Variants in DNAH9 observed in about 807,000 individuals in gnomAD.
DNAH9 encodes the protein dynein axonemal heavy chain 9.
A neutral mutation model predicts 471.6 loss-of-function variants in DNAH9; 345 were observed. That is an observed-to-expected ratio of 0.73 (90% CI 0.67 to 0.80). DNAH9 has a LOEUF of 0.80. Ranked by LOEUF, DNAH9 falls within the 30% of genes least tolerant of loss-of-function variation. DNAH9 has a pLI of 0.00. For missense variants in DNAH9, 5,407 were observed against 5,609.2 expected, an observed-to-expected ratio of 0.96 and a Z score of 1.15; for synonymous variants, 2,093 against 2,123.6, an observed-to-expected ratio of 0.99 and a Z score of 0.40.
At chr17:11,719,943 C>T (rs1055559819) in intron 27 of DNAH9, among the ~76,000 whole-genome samples, 2 of 152,136 alleles carry the variant, frequency 1.3e-5, no homozygotes, top group Non-Finnish European at 1.5e-5. Flanking sequence ...GGACATTCCC[C>T]AGAATATCAA....
At chr17:11,887,736 TCACACACA>T (rs35670481) in intron 57 of DNAH9, among the ~76,000 whole-genome samples, 7 of 147,406 alleles carry the variant, frequency 4.7e-5, no homozygotes, top group Non-Finnish European at 1.0e-4. Flanking sequence ...ATACACACAG[TCACACACA>T]CACACACACA....
chr17:11,887,497 T>C (rs532475215), intron 57 of DNAH9, among the ~76,000 whole-genome samples: 1 of 152,306 alleles, frequency 6.6e-6, no homozygotes, highest in African/African-American at 2.4e-5. Flanking sequence ...TGACTAAACT[T>C]ATCTTACTCA....
At chr17:11,655,351 GGTGTGTGTGTGTGTGTGTGT>G (rs144975414) in intron 14 of DNAH9, among the ~76,000 whole-genome samples, 1 of 147,698 alleles carries the variant, frequency 6.8e-6, no homozygotes, top group South Asian at 2.2e-4. Flanking sequence ...AGCATTCCAT[GGTGTGTGTGTGTGTGTGTGT>G]GTGTGTGTGT....
chr17:11,912,774 T>C (rs868850029), intron 61 of DNAH9, among the ~76,000 whole-genome samples: 9 of 152,216 alleles, frequency 5.9e-5, no homozygotes, highest in African/African-American at 1.4e-4. Context: ...TTGTTTTCTT[T>C]CTTTGCAATG....
intron 50 of DNAH9, among the ~76,000 whole-genome samples, chr17:11,865,054 A>C (rs1971993256): frequency 6.6e-6 from 1 of 152,106 alleles, no homozygotes; most frequent in Non-Finnish European, 1.5e-5. Context: ...TGTGAATTTG[A>C]ACCTGTCATT....
chr17:11,610,348 G>A (rs750324557), intron 2 of DNAH9, 48 bp from the exon 3 acceptor site: 6 of 1,542,310 alleles, frequency 3.9e-6, no homozygotes, highest in Non-Finnish European at 3.6e-6. Context: ...TCACGCCTCA[G>A]GGTTTTTGTT....
At position 11,598,790 on chromosome 17, in the gene DNAH9, G is replaced by T; in HGVS notation, c.292G>T (p.Ala98Ser). 6.8e-7 allele frequency: 1 copy of T among 1,475,152 alleles called. No homozygotes were observed. The highest frequency in any genetic ancestry group is 9.0e-7 in the Non-Finnish European group (1 of 1,116,626). The allele number at this position is 1,475,152 out of a possible 1,614,324, so 91.4% of individuals were successfully genotyped here. A position where few individuals can be genotyped will look rare whatever the true frequency, so the allele number is the denominator to read the frequency against. ...EVGPESGLAG[A>S]KALFFLRTGP... Reference sequence around the variant, plus strand: ...GGGACCTGAGTCGGGCCTGGCTGGCGCTAAGGCGCTTTTTTTCCTTCGCAC... The same window carrying T: ...GGGACCTGAGTCGGGCCTGGCTGGCTCTAAGGCGCTTTTTTTCCTTCGCAC... The change falls in exon 1 of 69, where the codon GCT (alanine) becomes TCT (serine). Residue 98 changes from alanine (A) to serine (S), a missense_variant. Physicochemically the swap from Ala to Ser is moderately conservative, Grantham distance 99. Around this residue, in one of 3 missense-constraint regions of DNAH9, gnomAD observed 767 missense variants for 692.5 expected, o/e 1.11. Transcript: ENST00000262442.
chr17:11,604,535 A>G (rs1055646510), intron 1 of DNAH9, among the ~76,000 whole-genome samples: 2 of 152,032 alleles, frequency 1.3e-5, no homozygotes, highest in Admixed American at 6.5e-5. Context: ...CAACATCTCT[A>G]TCTTAAAGTC....
chr17:11,948,476 C>T (rs565836957), intron 67 of DNAH9, among the ~76,000 whole-genome samples: 55 of 152,024 alleles, frequency 3.6e-4, no homozygotes, highest in Non-Finnish European at 5.7e-4. Flanking sequence ...GTGATCCACC[C>T]GCCTCGGCCT....
intron 27 of DNAH9, among the ~76,000 whole-genome samples, chr17:11,726,997 A>G (rs1158191130): frequency 4.4e-5 from 6 of 136,724 alleles, no homozygotes; most frequent in Non-Finnish European, 9.2e-5. Context: ...GCAATGAGCC[A>G]AGATCGCACC....
chr17:11,924,052 C>G, intron 62 of DNAH9, 111 bp downstream of exon 62: 1 of 1,411,034 alleles, frequency 7.1e-7, no homozygotes, highest in Non-Finnish European at 9.6e-7. Context: ...CTTTCACACT[C>G]TTGTCCCCTT....
chr17:11,804,567 A>T (rs927425484), intron 43 of DNAH9, among the ~76,000 whole-genome samples: 1 of 152,192 alleles, frequency 6.6e-6, no homozygotes, highest in Non-Finnish European at 1.5e-5. Context: ...TAAAAACAGT[A>T]ATTTTTCCAC....
At chr17:11,899,342 C>T (rs566877356) in intron 59 of DNAH9, among the ~76,000 whole-genome samples, 7 of 152,196 alleles carry the variant, frequency 4.6e-5, no homozygotes, top group African/African-American at 1.7e-4. Flanking sequence ...AAATGTAGAA[C>T]TTTCAGGTAA....
At chr17:11,868,451 T>C (rs1972141455) in intron 50 of DNAH9, among the ~76,000 whole-genome samples, 1 of 152,208 alleles carries the variant, frequency 6.6e-6, no homozygotes. Flanking sequence ...GTACTTCAAT[T>C]TTAAATTCTT....
chr17:11,831,773 A>G (rs898689589), intron 48 of DNAH9, among the ~76,000 whole-genome samples: 2 of 152,180 alleles, frequency 1.3e-5, no homozygotes, highest in African/African-American at 4.8e-5. Flanking sequence ...GGAGCACTGC[A>G]GAAACATCAT....
chr17:11,937,626 A>G lies in DNAH9; in HGVS notation c.12660+104A>G. On this transcript the variant is annotated intron_variant, in intron 66 of 68. Transcript: ENST00000262442. This position sits in a 1 kb window ranked among gnomAD's most constrained non-coding sequence, Gnocchi z 4.1. ...ATTTTGGCAGTACACAGCATAGACA[A>G]CACACAAAGCACCAACCACCTGCAG... The G allele has an allele frequency of 1.1e-5, 15 of 1,307,930 alleles. No homozygotes were observed. The highest frequency in any genetic ancestry group is 1.5e-5 in the Non-Finnish European group (15 of 990,098). The allele number at this position is 1,307,930 out of a possible 1,614,324, so 81.0% of individuals were successfully genotyped here. A position where few individuals can be genotyped will look rare whatever the true frequency, so the allele number is the denominator to read the frequency against.
intron 9 of DNAH9, among the ~76,000 whole-genome samples, chr17:11,637,303 T>C (rs1198654633): frequency 1.3e-5 from 2 of 152,192 alleles, no homozygotes; most frequent in Non-Finnish European, 2.9e-5. Flanking sequence ...GTACATTTAT[T>C]GAGTCCTTAC....
Position 11,783,654 on chromosome 17 carries a change from G to C in DNAH9, c.7727G>C (p.Arg2576Pro). 1.2e-6 allele frequency: 2 copies of C among 1,613,666 alleles called. No homozygotes were observed. The highest frequency in any genetic ancestry group is 8.5e-7 in the Non-Finnish European group (1 of 1,179,818). The change falls in exon 40 of 69, where the codon CGG becomes CCG. Residue 2576 changes from arginine to proline, a missense_variant. This residue lies in a region of DNAH9 where 4,636 missense variants were observed against 4,900.3 expected (regional missense o/e 0.95). Coordinates refer to ENST00000262442, the MANE Select transcript of DNAH9 (RefSeq NM_001372.4). ...QHLDYGHWYD[R>P]SKLSLKEITN... ...GCTTCTGACTGTTCCAGGTATGATCGGAGCAAGCTGTCCCTAAAGGAGATC... is the reference window on the plus strand; with the variant it reads ...GCTTCTGACTGTTCCAGGTATGATCCGAGCAAGCTGTCCCTAAAGGAGATC...
At chr17:11,733,207 A>G (rs1567758263) in intron 28 of DNAH9, among the ~76,000 whole-genome samples, 3 of 152,244 alleles carry the variant, frequency 2.0e-5, no homozygotes, top group African/African-American at 7.2e-5. Context: ...GAATGACCAC[A>G]GGGGACCACA....
Sources: allele counts gnomAD v4.1 joint callset (sites outside exome capture counted in the v4.1 genomes callset), GRCh38; gene constraint gnomAD v4.1.1; regional missense constraint gnomAD v4.1.1; non-coding constraint Gnocchi (gnomAD v3.1); transcripts MANE v1.5; gene names NCBI Gene and HGNC (gene_info 2026-07-23, HGNC 2026-07-21).